The following HAO1 variants were observed in gnomAD, a reference collection of about 807,000 sequenced individuals.
HAO1 encodes the protein 2-Hydroxyacid oxidase 1.
Under a neutral mutation model 39.7 loss-of-function variants are expected in HAO1, and 34 were observed. That is an observed-to-expected ratio of 0.86 (90% CI 0.65 to 1.14). The LOEUF is 1.14. HAO1 is among the 50% of genes most tolerant of loss of function. HAO1 has a pLI of 0.00. For missense variants in HAO1, 479 were observed against 464.5 expected, an observed-to-expected ratio of 1.03 and a Z score of -0.29; for synonymous variants, 172 against 173.2, an observed-to-expected ratio of 0.99 and a Z score of 0.05.
intron 1 of HAO1, among the ~76,000 whole-genome samples, chr20:7,935,395 T>C (rs946191771): frequency 1.3e-5 from 2 of 152,200 alleles, no homozygotes; most frequent in Non-Finnish European, 2.9e-5. Flanking sequence ...GGTATACAAA[T>C]GCATAGAGTT....
At chr20:7,903,940 T>C (rs1435928380) in intron 4 of HAO1, among the ~76,000 whole-genome samples, 1 of 151,990 alleles carries the variant, frequency 6.6e-6, no homozygotes, top group Non-Finnish European at 1.5e-5. Context: ...AATGAAGATC[T>C]AGAAACCAAA....
chr20:7,918,692 T>C (rs1730314784), intron 2 of HAO1, among the ~76,000 whole-genome samples: 1 of 152,222 alleles, frequency 6.6e-6, no homozygotes, highest in African/African-American at 2.4e-5. Context: ...AGTCCTTTGC[T>C]AAATAATTCA....
intron 5 of HAO1, among the ~76,000 whole-genome samples, chr20:7,886,950 T>C (rs368805012): frequency 3.2e-4 from 49 of 152,124 alleles, no homozygotes; most frequent in African/African-American, 1.1e-3. Context: ...AGGATAAATA[T>C]TCAGGAAGCA....
At chr20:7,890,634 T>G (rs757938804) in intron 5 of HAO1, among the ~76,000 whole-genome samples, 6 of 152,174 alleles carry the variant, frequency 3.9e-5, no homozygotes, top group African/African-American at 7.2e-5. Flanking sequence ...TTTGAGATTT[T>G]GGTGCACCCA....
chr20:7,884,568 G>A (rs1448222909), intron 7 of HAO1, among the ~76,000 whole-genome samples: 1 of 152,190 alleles, frequency 6.6e-6, no homozygotes, highest in Non-Finnish European at 1.5e-5. Context: ...GTAGCTGTCT[G>A]GAGGAAGAGC....
At position 7,929,273 on chromosome 20, in the gene HAO1, G is replaced by C. The variant is rs578046293; in HGVS notation, c.289+5211C>G. 7.4e-4 allele frequency among the ~76,000 whole-genome samples: 112 copies of C among 152,196 alleles called. 4 individuals are homozygous for C. In the South Asian group the frequency reaches 0.022, roughly 30 times the overall value. On this transcript the variant is annotated intron_variant, in intron 2 of 7. Transcript: ENST00000378789. ...TACTTTTCTGAAAGTGAGTTTTTGT[G>C]TGTGAAAGATAAAGATTTCAGAGAC...
In HAO1 at chr20:7,914,418, G is replaced by A. The variant is rs1474542857; in HGVS notation, c.291C>T (p.Ala97=). ...HVDGELATVR[A]CQSLGTGMML... is the part of the protein sequence containing the mutation. ...TCATGCCCGTTCCCAGGGACTGACA[G>A]GCTGAGAAAGAAAGGGGATGATCAA... Residue 97 remains alanine, a splice_region_variant and synonymous_variant, in exon 3 of 8, where the codon GCC becomes GCT. Coordinates refer to ENST00000378789, the MANE Select transcript of HAO1 (RefSeq NM_017545.3). 2.5e-6 allele frequency: 4 copies of A among 1,612,782 alleles called. No individual in the cohort carries two copies. The highest frequency in any genetic ancestry group is 3.3e-5 in the Admixed American group (2 of 60,006).
At chr20:7,890,680 T>A (rs2050170410) in intron 5 of HAO1, among the ~76,000 whole-genome samples, 1 of 152,182 alleles carries the variant, frequency 6.6e-6, no homozygotes, top group Non-Finnish European at 1.5e-5. Flanking sequence ...ATATTTGTTG[T>A]CTTTTATCCC....
chr20:7,935,183 AT>A (rs1171017530), intron 1 of HAO1, among the ~76,000 whole-genome samples: 2 of 152,176 alleles, frequency 1.3e-5, no homozygotes, highest in Non-Finnish European at 2.9e-5. Context: ...GTACGTGTCA[AT>A]AGTTTGTTCC....
intron 1 of HAO1, among the ~76,000 whole-genome samples, chr20:7,937,335 A>T (rs1420265387): frequency 6.6e-6 from 1 of 152,048 alleles, no homozygotes; most frequent in African/African-American, 2.4e-5. Context: ...ACTGCATTCC[A>T]ATTTTCTCCA....
chr20:7,927,431 T>G (rs534203127), intron 2 of HAO1, among the ~76,000 whole-genome samples: 22 of 152,320 alleles, frequency 1.4e-4, no homozygotes, highest in Non-Finnish European at 2.9e-4. Flanking sequence ...TGTGCCATTA[T>G]AAGTAGAGGC....
intron 4 of HAO1, among the ~76,000 whole-genome samples, chr20:7,896,083 A>T (rs2050196343): frequency 6.6e-6 from 1 of 152,110 alleles, no homozygotes; most frequent in Non-Finnish European, 1.5e-5. Context: ...AAAAAAAAAA[A>T]ATTAAAATTC....
rs751299616 is a variant in HAO1, at chr20:7,914,290, G to A, written c.419C>T (p.Thr140Ile). The change falls in exon 3 of 8, where the codon ACC (threonine) becomes ATC (isoleucine). Residue 140 changes from threonine to isoleucine, a missense_variant. Transcript: ENST00000378789. ...CTCTGCCTGCCGCACTAGCTTCTTG[G>A]TGACTTCTCGGTCCTTGTAGATATA... is the stretch of plus-strand genomic sequence containing the variant. ...QLYIYKDREV[T>I]KKLVRQAEKM... 18 of 1,613,906 alleles carry A rather than the reference G, an allele frequency of 1.1e-5. No homozygotes were observed. The highest frequency in any genetic ancestry group is 2.2e-5 in the East Asian group (1 of 44,830).
At chr20:7,914,571 C>T (rs2050297672) in intron 2 of HAO1, 152 bp from the exon 3 acceptor site, 1 of 752,388 alleles carries the variant, frequency 1.3e-6, no homozygotes, top group Non-Finnish European at 2.1e-6. Flanking sequence ...TGGCCCATAC[C>T]ATCTATTTCC....
intron 4 of HAO1, among the ~76,000 whole-genome samples, chr20:7,901,245 T>G (rs910301353): frequency 6.6e-6 from 1 of 152,156 alleles, no homozygotes; most frequent in South Asian, 2.1e-4. Flanking sequence ...GCTAAGAAAA[T>G]TGATGGAGGT....
chr20:7,905,231 A>C (rs970693913), intron 4 of HAO1, among the ~76,000 whole-genome samples: 30 of 149,258 alleles, frequency 2.0e-4, no homozygotes, highest in African/African-American at 5.9e-4. Context: ...TCCACTACTT[A>C]AATGCTGCAC....
chr20:7,914,062 A>G (rs2122776818), intron 3 of HAO1, 102 bp downstream of exon 3: 1 of 1,240,880 alleles, frequency 8.1e-7, no homozygotes, highest in Non-Finnish European at 1.2e-6. Context: ...GCTGAAGATT[A>G]ACTAGATGTT....
chr20:7,914,043 A>G lies in HAO1; in HGVS notation c.545+121T>C, dbSNP rs1020589458. 4 of 1,022,740 alleles carry G rather than the reference A, an allele frequency of 3.9e-6. No individual in the cohort carries two copies. In the African/African-American group the frequency reaches 4.8e-5, roughly 12 times the overall value. 63.4% of individuals were successfully genotyped at this position (1,022,740 alleles called of 1,614,324 possible). A position where few individuals can be genotyped will look rare whatever the true frequency, so the allele number is the denominator to read the frequency against. ...AAAAAAAGTGATGTCTACAAAAGGG[A>G]TGTGATTAGCTGAAGATTAACTAGA... On this transcript the variant is annotated intron_variant, in intron 3 of 7. Coordinates refer to ENST00000378789, the MANE Select transcript of HAO1 (RefSeq NM_017545.3).
chr20:7,920,945 G>A (rs1041937999), intron 2 of HAO1, among the ~76,000 whole-genome samples: 1 of 151,960 alleles, frequency 6.6e-6, no homozygotes, highest in African/African-American at 2.4e-5. Flanking sequence ...TTAAGGAATT[G>A]TGTGAAACTA....
Sources: gnomAD v4.1 joint callset for allele counts (sites outside exome capture counted in the v4.1 genomes callset) on GRCh38, gnomAD v4.1.1 for gene constraint, MANE v1.5 for transcripts, NCBI Gene and HGNC (gene_info 2026-07-23, HGNC 2026-07-21) for gene names.